C2CD3: variants seen among roughly 807,000 people sequenced by gnomAD.
C2CD3 encodes C2 domain containing 3 centriole elongation regulator.
C2CD3 carries 148 observed loss-of-function variants against 234.0 expected under a neutral mutation model. The observed-to-expected ratio is 0.63, with a 90% confidence interval of 0.55 to 0.72. The LOEUF (loss-of-function observed/expected upper bound fraction) is 0.72. Among genes scored for constraint, C2CD3 ranks in the 30% least tolerant of loss-of-function variants. The pLI is 0.00. For synonymous variants in C2CD3, 1,000 were observed against 1,035.4 expected (o/e 0.97, Z 0.66); for missense variants, 2,577 against 2,811.5 (o/e 0.92, Z 1.89).
rs1459126734 is a variant in C2CD3 at position 74,026,668 on chromosome 11, GAGTC to G, written c.6921+1615_6921+1618del. On this transcript the variant is annotated intron_variant, in intron 32 of 32. Transcript: ENST00000334126. ...GTGTAATAGAAGAACAGAGAGTTGT[GAGTC>G]AGAAGTTTAGATTCAGGCCGGGCGC... Among the ~76,000 whole-genome samples, 5 of 152,134 alleles carry G rather than the reference GAGTC, an allele frequency of 3.3e-5. No individual in the cohort carries two copies. The South Asian group carries it at 6.2e-4, about 19-fold the overall frequency.
At chr11:74,034,310 A>C in intron 30 of C2CD3, 32 bp from the exon 31 acceptor site, 5 of 1,515,388 alleles carry the variant, frequency 3.3e-6, no homozygotes, top group Non-Finnish European at 4.4e-6. Context: ...TCTTATTACA[A>C]GGTAGGGCCA....
At chr11:74,061,338 G>C (rs917466605) in intron 24 of C2CD3, among the ~76,000 whole-genome samples, 1 of 152,154 alleles carries the variant, frequency 6.6e-6, no homozygotes, top group African/African-American at 2.4e-5. Flanking sequence ...ATTCACCAAA[G>C]TTGAAATGAA....
intron 5 of C2CD3, among the ~76,000 whole-genome samples, chr11:74,135,948 T>C (rs1424826343): frequency 6.6e-6 from 1 of 151,918 alleles, no homozygotes; most frequent in Non-Finnish European, 1.5e-5. Context: ...ATGGTAACAA[T>C]AGAAACTGGG....
At chr11:74,156,156 C>A (rs1856003066) in intron 3 of C2CD3, among the ~76,000 whole-genome samples, 1 of 152,080 alleles carries the variant, frequency 6.6e-6, no homozygotes, top group Non-Finnish European at 1.5e-5. Context: ...CGCCTGTAGT[C>A]CCAGCTACTT....
chr11:74,043,255 T>C (rs1953162592), intron 28 of C2CD3, among the ~76,000 whole-genome samples: 2 of 152,268 alleles, frequency 1.3e-5, no homozygotes, highest in Admixed American at 1.3e-4. Context: ...TGTTTTTTGG[T>C]GACTGGCTTC....
Position 74,034,059 on chromosome 11 carries a change from A to G in C2CD3, c.6101T>C (p.Leu2034Pro). The part of the protein sequence containing the change: ...LEETSNGGRM[L>P]HESLRHAVPI... ...TACTGCATGCCTCAGGGACTCATGGAGCATTCTTCCTCCATTTGAAGTCTC... is the reference window on the plus strand; with the variant it reads ...TACTGCATGCCTCAGGGACTCATGGGGCATTCTTCCTCCATTTGAAGTCTC... The change falls in exon 31 of 33, where the codon CTC becomes CCC. Residue 2034 changes from leucine to proline, a missense_variant. By Grantham distance (98) the Leu-to-Pro change is moderately conservative. Transcript: ENST00000334126. 6.5e-7 allele frequency: 1 copy of G among 1,536,290 alleles called. No individual in the cohort carries two copies.
intron 2 of C2CD3, among the ~76,000 whole-genome samples, chr11:74,162,691 C>A (rs11236027): frequency 0.28 from 42,057 of 151,948 alleles, 6,671 homozygotes; most frequent in African/African-American, 0.44. Flanking sequence ...AATCAACTGA[C>A]CAAAAATATT....
chr11:74,083,488 C>G (rs1247463108), intron 22 of C2CD3, among the ~76,000 whole-genome samples: 4 of 152,138 alleles, frequency 2.6e-5, no homozygotes, highest in Non-Finnish European at 5.9e-5. Flanking sequence ...AAGAACCTAC[C>G]ATTAGAGTGA....
rs199782613 is a variant in C2CD3 at position 74,103,090 on chromosome 11, C to T, written c.2580+41G>A. ...TAATTTGGGAGGCATTTGTCTCTCA[C>T]CCCTATATTCCTCTAATGGATATGG... On this transcript the variant is annotated intron_variant, in intron 14 of 32. Transcript: ENST00000334126. The T allele has an allele frequency of 1.0e-4, 159 of 1,555,762 alleles. No individual in the cohort carries two copies. In the African/African-American group the frequency reaches 2.0e-3, roughly 20 times the overall value.
rs376156284 is a variant in C2CD3 at position 74,149,293 on chromosome 11, G to A, written c.484-9465C>T. 4.6e-5 allele frequency among the ~76,000 whole-genome samples: 7 copies of A among 152,214 alleles called. No homozygotes were observed. In the South Asian group the frequency reaches 1.5e-3, roughly 32 times the overall value. On this transcript the variant is annotated intron_variant, in intron 3 of 32. Transcript: ENST00000334126. The stretch of plus-strand genomic sequence containing the variant: ...TTATAGCTGAACAATTAGAAGTACT[G>A]ATTACTTTTCCTTTCCTGCACAACA...
At chr11:74,111,162 T>C (rs1186177114) in intron 11 of C2CD3, among the ~76,000 whole-genome samples, 1 of 152,218 alleles carries the variant, frequency 6.6e-6, no homozygotes, top group African/African-American at 2.4e-5. Context: ...AACTAATTTA[T>C]GTCTCAGTTT....
intron 32 of C2CD3, among the ~76,000 whole-genome samples, chr11:74,026,165 G>C (rs1389711416): frequency 6.6e-6 from 1 of 152,128 alleles, no homozygotes; most frequent in East Asian, 1.9e-4. Flanking sequence ...AAAATTAGCT[G>C]GTTGTGGTGG....
intron 31 of C2CD3, among the ~76,000 whole-genome samples, chr11:74,028,834 T>C (rs1952411064): frequency 1.3e-5 from 2 of 152,222 alleles, no homozygotes; most frequent in Admixed American, 1.3e-4. Context: ...GTTGAATGAT[T>C]CTTGCCTAAG....
chr11:74,095,165 C>A, intron 17 of C2CD3, 63 bp downstream of exon 17: 1 of 1,082,648 alleles, frequency 9.2e-7, no homozygotes, highest in Non-Finnish European at 1.2e-6. Context: ...AAAAAAAAAA[C>A]TCTTAAGTAT....
Position 74,033,963 on chromosome 11 carries a change from T to G in C2CD3, c.6197A>C (p.Glu2066Ala). The G allele has an allele frequency of 6.5e-7, 1 of 1,536,410 alleles. No individual in the cohort carries two copies. Reference protein sequence around the residue: ...GPAYSDEDYEEDIIEPRTLNE... With the variant: ...GPAYSDEDYEADIIEPRTLNE... ...TAAGGTCCTGGGCTCAATGATGTCT[T>G]CTTCATAGTCCTCATCACTGTAGGC... The change falls in exon 31 of 33, where the codon GAA becomes GCA. Residue 2066 changes from glutamate to alanine, a missense_variant. Physicochemically the swap from Glu to Ala is moderately radical, Grantham distance 107 (BLOSUM62 -1). Coordinates refer to ENST00000334126, the MANE Select transcript of C2CD3 (RefSeq NM_001286577.2).
intron 24 of C2CD3, among the ~76,000 whole-genome samples, chr11:74,066,113 A>C (rs1954520297): frequency 6.6e-6 from 1 of 151,254 alleles, no homozygotes; most frequent in South Asian, 2.1e-4. Flanking sequence ...AATACTATGA[A>C]GCCATAAGAA....
intron 1 of C2CD3, 60 bp from the exon 2 acceptor site, chr11:74,168,673 T>A: frequency 2.1e-6 from 3 of 1,453,864 alleles, no homozygotes; most frequent in Non-Finnish European, 2.8e-6. Flanking sequence ...AAACATATAA[T>A]ATGCTTTTTG....
At chr11:74,046,935 A>G (rs1953403529) in intron 28 of C2CD3, among the ~76,000 whole-genome samples, 1 of 152,234 alleles carries the variant, frequency 6.6e-6, no homozygotes, top group South Asian at 2.1e-4. Flanking sequence ...CCAGTGAGCT[A>G]ATGTATATAA....
At chr11:74,040,970 T>A (rs1180877572) in intron 29 of C2CD3, among the ~76,000 whole-genome samples, 1 of 151,114 alleles carries the variant, frequency 6.6e-6, no homozygotes, top group Non-Finnish European at 1.5e-5. Flanking sequence ...TTAAATTTTT[T>A]TTTTTTTTTT....
Sources: allele counts gnomAD v4.1 joint callset (sites outside exome capture counted in the v4.1 genomes callset), GRCh38; gene constraint gnomAD v4.1.1; transcripts MANE v1.5; gene names NCBI Gene and HGNC (gene_info 2026-07-23, HGNC 2026-07-21).